Variants in FETUB observed in about 807,000 individuals in gnomAD.
The protein encoded by FETUB is fetuin-B.
A neutral mutation model predicts 30.9 loss-of-function variants in FETUB; 28 were observed. The ratio of observed to expected loss-of-function variants is 0.90; its 90% confidence interval spans 0.67 to 1.24. FETUB has a LOEUF of 1.24. Among genes scored for constraint, FETUB ranks in the 50% most tolerant of loss-of-function variants. The pLI is 0.00. For missense variants in FETUB, 469 were observed against 455.3 expected (o/e 1.03, Z -0.27); for synonymous variants, 186 against 175.9 (o/e 1.06, Z -0.45).
chr3:186,640,913 C>A (rs774852380), intron 1 of FETUB, 117 bp from the exon 2 acceptor site: 2 of 711,298 alleles, frequency 2.8e-6, no homozygotes, highest in East Asian at 2.7e-5. Flanking sequence ...TAATGGTTTA[C>A]GGGGAATCTT....
At chr3:186,645,831 AT>A (rs374119267) in intron 4 of FETUB, among the ~76,000 whole-genome samples, 2,745 of 137,788 alleles carry the variant, frequency 0.02, 78 homozygotes, top group African/African-American at 0.061. Flanking sequence ...GGTTCAAGGG[AT>A]TCTCCTGCCT....
At chr3:186,636,400 A>G (rs1716773794), upstream of FETUB, among the ~76,000 whole-genome samples, 2 of 152,214 alleles carry the variant, frequency 1.3e-5, no homozygotes, top group Non-Finnish European at 2.9e-5. Flanking sequence ...TGTGAGAAAC[A>G]CATCCTTGGA....
chr3:186,640,447 T>C lies in FETUB; in HGVS notation c.-14T>C. 6.2e-7 allele frequency: 1 copy of C among 1,608,252 alleles called. No individual in the cohort carries two copies. Among genetic ancestry groups the C allele is most frequent in the Non-Finnish European group, 8.5e-7 (1 of 1,174,678 alleles). On this transcript the variant is annotated 5_prime_UTR_variant, in exon 1 of 7. Coordinates refer to ENST00000265029, the MANE Select transcript of FETUB (RefSeq NM_014375.3). ...TCCACAAACTGACCCATCCTGGGCCTTGTTCTCCACAGAATGGGTCTGCTC... is the reference window on the plus strand; with the variant it reads ...TCCACAAACTGACCCATCCTGGGCCCTGTTCTCCACAGAATGGGTCTGCTC...
rs914356540 is a variant in FETUB at position 186,652,830 on chromosome 3, A to G, written c.*199A>G. The G allele has an allele frequency of 4.4e-5, 26 of 584,580 alleles. No individual in the cohort carries two copies. Among genetic ancestry groups the G allele is most frequent in the Middle Eastern group, 4.6e-4 (1 of 2,196 alleles). 36.2% of individuals were successfully genotyped at this position (584,580 alleles called of 1,614,324 possible). ...CGGCTTGGGCTGCACTCTACCCTGT[A>G]CACTGCCTTGTACCCTGAGCTGCAT... On this transcript the variant is annotated 3_prime_UTR_variant, in exon 7 of 7. Transcript: ENST00000265029.
chr3:186,652,666 G>A lies in FETUB; in HGVS notation c.*35G>A, dbSNP rs374396896. The A allele has an allele frequency of 6.0e-5, 94 of 1,554,536 alleles. No individual in the cohort carries two copies. The highest frequency in any genetic ancestry group is 9.0e-5 in the East Asian group (4 of 44,464). On this transcript the variant is annotated 3_prime_UTR_variant, in exon 7 of 7. Coordinates refer to ENST00000265029, the MANE Select transcript of FETUB (RefSeq NM_014375.3). ...AGAGTCTTCTGTAGGGGTATGGTGCGCCGCATGACATGGGAGGCGATGGGG... is the reference window on the plus strand; with the variant it reads ...AGAGTCTTCTGTAGGGGTATGGTGCACCGCATGACATGGGAGGCGATGGGG...
chr3:186,636,882 T>A (rs892618613), upstream of FETUB, among the ~76,000 whole-genome samples: 2 of 152,152 alleles, frequency 1.3e-5, no homozygotes, highest in African/African-American at 4.8e-5. Context: ...AGCTCCAGAG[T>A]GAATGTTACC....
chr3:186,651,615 T>A (rs143690303), intron 6 of FETUB: 1 of 334,696 alleles, frequency 3.0e-6, no homozygotes, highest in African/African-American at 2.1e-5. Flanking sequence ...AGGGAGAAGT[T>A]ATTTCCATGA....
chr3:186,652,377 G>A lies in FETUB; in HGVS notation c.895G>A (p.Gly299Arg). 1 of 1,613,078 alleles carries A rather than the reference G, an allele frequency of 6.2e-7. No homozygotes were observed. The highest frequency in any genetic ancestry group is 8.5e-7 in the Non-Finnish European group (1 of 1,179,676). Residue 299 changes from glycine to arginine, a missense_variant, in exon 7 of 7, where the codon GGG (glycine) becomes AGG (arginine). By Grantham distance (125) the Gly-to-Arg change is moderately radical (BLOSUM62 -2). Transcript: ENST00000265029. The stretch of plus-strand genomic sequence containing the variant: ...CCCAACAGACTCCCCCTCCAAAGCT[G>A]GGCCAAGAGGATCTGTCCAATATCT... ...TPPTDSPSKA[G>R]PRGSVQYLPD...
intron 6 of FETUB, 183 bp downstream of exon 6, chr3:186,651,484 G>T (rs553066396): frequency 5.1e-6 from 3 of 590,504 alleles, no homozygotes; most frequent in African/African-American, 3.7e-5. Flanking sequence ...TGTTTCAGTC[G>T]CAATATGGTC....
At chr3:186,649,550 A>T (rs1055050005) in intron 5 of FETUB, among the ~76,000 whole-genome samples, 1 of 152,050 alleles carries the variant, frequency 6.6e-6, no homozygotes. Context: ...GCTTCCTGCA[A>T]ACCTCCACCT....
intron 1 of FETUB, 48 bp downstream of exon 1, chr3:186,640,733 G>C: frequency 6.7e-7 from 1 of 1,491,832 alleles, no homozygotes; most frequent in Non-Finnish European, 9.4e-7. Flanking sequence ...GGGCAAGCTG[G>C]AGAGACTGGC....
In FETUB at chr3:186,652,524, C is replaced by T. The variant is rs140821787; in HGVS notation, c.1042C>T (p.Pro348Ser). 5.6e-6 allele frequency: 9 copies of T among 1,614,082 alleles called. No homozygotes were observed. The highest frequency in any genetic ancestry group is 7.6e-6 in the Non-Finnish European group (9 of 1,180,038). ...GGATATTTCCTTCCTCTTCCTGGAGCCTATGGAGGAGAAGCTGGTGGTCCT... is the reference window on the plus strand; with the variant it reads ...GGATATTTCCTTCCTCTTCCTGGAGTCTATGGAGGAGAAGCTGGTGGTCCT... ...TLDISFLFLE[P>S]MEEKLVVLPF... is the part of the protein sequence containing the mutation. The change falls in exon 7 of 7, where the codon CCT becomes TCT. Residue 348 changes from proline to serine, a missense_variant. Transcript: ENST00000265029.
intron 2 of FETUB, 111 bp from the exon 3 acceptor site, chr3:186,642,360 A>G (rs752110466): frequency 9.2e-5 from 63 of 683,916 alleles, no homozygotes; most frequent in Non-Finnish European, 1.3e-4. Context: ...ACAGAATTTG[A>G]TCTTAAGTTT....
intron 2 of FETUB, 92 bp downstream of exon 2, chr3:186,641,232 A>C: frequency 1.3e-6 from 1 of 741,220 alleles, no homozygotes; most frequent in Non-Finnish European, 2.4e-6. Context: ...AATATCTGTC[A>C]TCTTTTAAAT....
At chr3:186,638,848 A>G (rs1288982268), upstream of FETUB, among the ~76,000 whole-genome samples, 2 of 152,176 alleles carry the variant, frequency 1.3e-5, no homozygotes, top group Non-Finnish European at 2.9e-5. Context: ...CACTGGCTGA[A>G]GCTAAACCTT....
rs1253997702 is a variant in FETUB, at chr3:186,644,939, A to G, written c.594+19A>G. 1.3e-6 allele frequency: 2 copies of G among 1,599,488 alleles called. No homozygotes were observed. Among genetic ancestry groups the G allele is most frequent in the Admixed American group, 1.7e-5 (1 of 57,696 alleles). On this transcript the variant is annotated intron_variant, in intron 4 of 6. Coordinates refer to ENST00000265029, the MANE Select transcript of FETUB (RefSeq NM_014375.3). Reference sequence around the variant, plus strand: ...TAGCCAGGTAAGGCTAAAACTGCCCAAGCCAGTTACACAGTGTGTCTCATA... The same window carrying G: ...TAGCCAGGTAAGGCTAAAACTGCCCGAGCCAGTTACACAGTGTGTCTCATA...
intron 5 of FETUB, among the ~76,000 whole-genome samples, chr3:186,647,980 G>C (rs567660647): frequency 6.6e-6 from 1 of 151,146 alleles, no homozygotes; most frequent in Non-Finnish European, 1.5e-5. Context: ...AAATAATCTT[G>C]AACAACAACA....
At chr3:186,642,393 T>A in intron 2 of FETUB, 78 bp from the exon 3 acceptor site, 1 of 840,816 alleles carries the variant, frequency 1.2e-6, no homozygotes, top group Non-Finnish European at 2.0e-6. Context: ...AAAGAAAATG[T>A]CTGACTTTAA....
At chr3:186,638,411 G>A (rs1015792897), upstream of FETUB, among the ~76,000 whole-genome samples, 36 of 152,160 alleles carry the variant, frequency 2.4e-4, no homozygotes, top group Admixed American at 1.2e-3. Context: ...GAGTGCCATT[G>A]TTTTATGAAT....
Sources: gnomAD v4.1 joint callset for allele counts (sites outside exome capture counted in the v4.1 genomes callset) on GRCh38, gnomAD v4.1.1 for gene constraint, MANE v1.5 for transcripts, NCBI Gene and HGNC (gene_info 2026-07-23, HGNC 2026-07-21) for gene names.